SH3BP5: variants seen among roughly 807,000 people sequenced by gnomAD.
The protein encoded by SH3BP5 is SH3 domain-binding protein 5.
Under a neutral mutation model 43.3 loss-of-function variants are expected in SH3BP5, and 22 were observed. The observed-to-expected ratio is 0.51, with a 90% CI of 0.36 to 0.73. SH3BP5 has a LOEUF of 0.73. Among genes scored for constraint, SH3BP5 ranks in the 30% least tolerant of loss-of-function variants. SH3BP5 has a pLI of 0.00. For missense variants in SH3BP5, 529 were observed against 586.9 expected (o/e 0.90, Z 1.02); for synonymous variants, 255 against 225.8 (o/e 1.13, Z -1.16).
intron 2 of SH3BP5, among the ~76,000 whole-genome samples, chr3:15,315,426 A>C (rs1358687572): frequency 2.6e-5 from 4 of 152,322 alleles, no homozygotes; most frequent in Non-Finnish European, 5.9e-5. Flanking sequence ...CTTTTAGGCC[A>C]CATCCTATTT....
At position 15,290,166 on chromosome 3, in the gene SH3BP5, T is replaced by C. The variant is rs113678564; in HGVS notation, c.330+13937A>G. Among the ~76,000 whole-genome samples, 121 of 149,646 alleles carry C rather than the reference T, an allele frequency of 8.1e-4. 2 individuals are homozygous for C. The highest frequency in any genetic ancestry group is 2.2e-3 in the African/African-American group (88 of 40,552). ...CCTGTAATCCCAGCACTTTGGGAGG[T>C]CAAGGCAGTTGAGGTCAGGAGTTTG... On this transcript the variant is annotated intron_variant, in intron 3 of 8. Coordinates refer to ENST00000383791, the MANE Select transcript of SH3BP5 (RefSeq NM_004844.5).
At chr3:15,257,431 C>G (rs1314891977) in intron 7 of SH3BP5, 1 of 267,178 alleles carries the variant, frequency 3.7e-6, no homozygotes, top group Non-Finnish European at 7.2e-6. Flanking sequence ...GACCTTTACT[C>G]CACCTCAGTC....
Position 15,323,961 on chromosome 3 carries a change from C to A in SH3BP5, c.201+6543G>T, listed in dbSNP as rs147628010. On this transcript the variant is annotated intron_variant, in intron 2 of 8. Transcript: ENST00000383791. ...AAGGGAAATAAGCAGTATGGGGGGA[C>A]CACTGAAGCCCAAGGCCTTCAGTAC... 4.6e-4 allele frequency among the ~76,000 whole-genome samples: 70 copies of A among 152,332 alleles called. 1 individual carries two copies. Among genetic ancestry groups the A allele is most frequent in the Non-Finnish European group, 9.0e-4 (61 of 68,034 alleles).
chr3:15,336,107 G>A (rs1440993343), upstream of SH3BP5, among the ~76,000 whole-genome samples: 1 of 152,116 alleles, frequency 6.6e-6, no homozygotes, highest in South Asian at 2.1e-4. Context: ...GCACTCCAGC[G>A]TGGGCGATAA....
At chr3:15,316,799 G>T (rs1298368317) in intron 2 of SH3BP5, among the ~76,000 whole-genome samples, 1 of 151,808 alleles carries the variant, frequency 6.6e-6, no homozygotes, top group African/African-American at 2.4e-5. Flanking sequence ...CTTTAAACGT[G>T]ACAGCAAGCA....
intron 4 of SH3BP5, 130 bp downstream of exon 4, chr3:15,269,580 GAGA>G: frequency 1.1e-6 from 1 of 940,816 alleles, no homozygotes; most frequent in Non-Finnish European, 1.6e-6. Context: ...AGATCATACG[GAGA>G]TGACAACCTG....
Position 15,302,610 on chromosome 3 carries a change from G to A in SH3BP5, c.330+1493C>T, listed in dbSNP as rs372004831. ...CTTGAAGAGAAATGAGAGGTGCATG[G>A]AAATAGGAAAAAGAAGAGGAATGGT... On this transcript the variant is annotated intron_variant, in intron 3 of 8. Transcript: ENST00000383791. Among the ~76,000 whole-genome samples the A allele has an allele frequency of 6.6e-4, 101 of 152,148 alleles. 1 individual carries two copies. In the South Asian group the frequency reaches 0.021, roughly 31 times the overall value.
At chr3:15,271,710 T>A (rs1260472080) in intron 3 of SH3BP5, 1 of 152,052 alleles carries the variant, frequency 6.6e-6, no homozygotes, top group African/African-American at 2.4e-5. Flanking sequence ...CACCATTTCA[T>A]CTCTCCCCAT....
chr3:15,312,237 A>G (rs533401684), intron 2 of SH3BP5, among the ~76,000 whole-genome samples: 123 of 152,352 alleles, frequency 8.1e-4, no homozygotes, highest in African/African-American at 2.8e-3. Context: ...CAGCTCTTCT[A>G]TTAAGCCAGA....
rs966884985 is a variant in SH3BP5, at chr3:15,255,517, G to A, written c.*569C>T. 3 of 151,948 alleles carry A rather than the reference G, an allele frequency of 2.0e-5. No homozygotes were observed. The highest frequency in any genetic ancestry group is 1.3e-4 in the Admixed American group (2 of 15,240). 9.4% of individuals were successfully genotyped at this position (151,948 alleles called of 1,614,324 possible). The stretch of plus-strand genomic sequence containing the variant: ...TTTTAATGGGTATCCCAGCATACAC[G>A]CTTTTTTAAAAGCCCCCTCTGAACA... On this transcript the variant is annotated 3_prime_UTR_variant, in exon 9 of 9. Coordinates refer to ENST00000383791, the MANE Select transcript of SH3BP5 (RefSeq NM_004844.5).
chr3:15,328,521 G>A (rs1174023382), intron 2 of SH3BP5, among the ~76,000 whole-genome samples: 2 of 152,150 alleles, frequency 1.3e-5, no homozygotes, highest in Non-Finnish European at 1.5e-5. Flanking sequence ...TTTGAGGCCT[G>A]GAGTTCAAGA....
intron 3 of SH3BP5, among the ~76,000 whole-genome samples, chr3:15,276,693 T>C (rs762265577): frequency 1.7e-4 from 26 of 152,184 alleles, no homozygotes; most frequent in Non-Finnish European, 5.9e-5. Flanking sequence ...TAGCAGGTGG[T>C]AGCTCCAAGT....
intron 2 of SH3BP5, among the ~76,000 whole-genome samples, chr3:15,315,899 T>A (rs1183378137): frequency 3.3e-5 from 5 of 152,152 alleles, no homozygotes; most frequent in Admixed American, 3.3e-4. Flanking sequence ...CCTGAAATAT[T>A]TCAGGTGCAT....
chr3:15,254,530 T>A lies in SH3BP5; in HGVS notation c.*1556A>T, dbSNP rs745348070. 2.0e-5 allele frequency: 3 copies of A among 151,988 alleles called. No homozygotes were observed. The highest frequency in any genetic ancestry group is 4.4e-5 in the Non-Finnish European group (3 of 68,028). The allele number at this position is 151,988 out of a possible 1,614,324, so 9.4% of individuals were successfully genotyped here. A position where few individuals can be genotyped will look rare whatever the true frequency, so the allele number is the denominator to read the frequency against. ...TACCCCCCCCAGTTAATTAATTAAA[T>A]AATTCTCTGGGGATGAGAACTGACT... is the stretch of plus-strand genomic sequence containing the variant. On this transcript the variant is annotated 3_prime_UTR_variant, in exon 9 of 9. Coordinates refer to ENST00000383791, the MANE Select transcript of SH3BP5 (RefSeq NM_004844.5).
upstream of SH3BP5, chr3:15,332,720 C>G: frequency 9.7e-7 from 1 of 1,033,736 alleles, no homozygotes; most frequent in Non-Finnish European, 1.2e-6. Context: ...CCAGCTCCCT[C>G]CACATCTCCA....
intron 2 of SH3BP5, among the ~76,000 whole-genome samples, chr3:15,329,911 C>G (rs1025125217): frequency 1.3e-5 from 2 of 152,204 alleles, no homozygotes; most frequent in Admixed American, 6.5e-5. Flanking sequence ...ACATGAAACC[C>G]AAATCAAGTT....
At chr3:15,338,007 C>T (rs936301610) in intron 1 of SH3BP5, among the ~76,000 whole-genome samples, 3 of 151,006 alleles carry the variant, frequency 2.0e-5, no homozygotes, top group African/African-American at 7.3e-5. Context: ...AATTTCAATG[C>T]CATTTAAATT....
At chr3:15,277,992 G>A (rs1433726250) in intron 3 of SH3BP5, among the ~76,000 whole-genome samples, 1 of 152,214 alleles carries the variant, frequency 6.6e-6, no homozygotes, top group Non-Finnish European at 1.5e-5. Context: ...GCAGGCACGG[G>A]GTGGCAGGAC....
intron 5 of SH3BP5, among the ~76,000 whole-genome samples, chr3:15,261,513 G>A (rs769186366): frequency 6.6e-6 from 1 of 152,188 alleles, no homozygotes; most frequent in Non-Finnish European, 1.5e-5. Flanking sequence ...GCCCTGCACA[G>A]CCTGCTCTGG....
Sources: allele counts gnomAD v4.1 joint callset (sites outside exome capture counted in the v4.1 genomes callset), GRCh38; gene constraint gnomAD v4.1.1; transcripts MANE v1.5; gene names NCBI Gene and HGNC (gene_info 2026-07-23, HGNC 2026-07-21).